ATF7IP: variants seen among roughly 807,000 people sequenced by gnomAD.
ATF7IP encodes activating transcription factor 7 interacting protein.
Under a neutral mutation model 106.4 loss-of-function variants are expected in ATF7IP, and 23 were observed. That is an observed-to-expected ratio of 0.22 (90% CI 0.16 to 0.31). The LOEUF is 0.31. Ranked by LOEUF, ATF7IP falls within the 10% of genes least tolerant of loss-of-function variation. The pLI is 1.00. For missense variants in ATF7IP, 1,334 were observed against 1,524.3 expected (o/e 0.88, Z 2.08); for synonymous variants, 542 against 539.0 (o/e 1.01, Z -0.08).
At chr12:14,380,909 C>T (rs1001706227) in intron 1 of ATF7IP, among the ~76,000 whole-genome samples, 2 of 152,204 alleles carry the variant, frequency 1.3e-5, no homozygotes, top group Non-Finnish European at 2.9e-5. Context: ...CATGAGCCAC[C>T]GTGCCCGGCC....
intron 13 of ATF7IP, chr12:14,481,489 A>C: frequency 2.2e-6 from 1 of 446,118 alleles, no homozygotes; most frequent in Non-Finnish European, 4.1e-6. Flanking sequence ...CAGTGTATGC[A>C]TATTTCAAAC....
chr12:14,390,689 C>T (rs1003100789), intron 1 of ATF7IP, among the ~76,000 whole-genome samples: 1 of 152,178 alleles, frequency 6.6e-6, no homozygotes, highest in African/African-American at 2.4e-5. Flanking sequence ...AGAATGTTTT[C>T]TTAACCGTAC....
Position 14,438,171 on chromosome 12 carries a change from G to A in ATF7IP, c.1833G>A (p.Gln611=), listed in dbSNP as rs373169074. The A allele has an allele frequency of 2.9e-5, 46 of 1,613,352 alleles. No individual in the cohort carries two copies. The highest frequency in any genetic ancestry group is 3.6e-5 in the Non-Finnish European group (43 of 1,179,956). Residue 611 remains glutamine, a synonymous_variant, in exon 5 of 15, where the codon CAG becomes CAA. Transcript: ENST00000261168. ...WLLEEKLCAL[Q]CAVFDKTLAE... ...TGGAAGAAAAATTGTGTGCGCTGCA[G>A]TGTGCTGTATTTGATAAGACTTTGG...
At chr12:14,427,876 A>C (rs1267933127) in intron 2 of ATF7IP, among the ~76,000 whole-genome samples, 1 of 152,148 alleles carries the variant, frequency 6.6e-6, no homozygotes, top group African/African-American at 2.4e-5. Flanking sequence ...GGCACACAGT[A>C]AGTGCCCAGT....
intron 1 of ATF7IP, among the ~76,000 whole-genome samples, chr12:14,394,259 T>G (rs1204984819): frequency 6.6e-6 from 1 of 152,232 alleles, no homozygotes; most frequent in Non-Finnish European, 1.5e-5. Flanking sequence ...ATAATTTGTA[T>G]TTTTAATGAT....
chr12:14,473,913 C>T lies in ATF7IP; in HGVS notation c.2863-1977C>T, dbSNP rs149139969. Among the ~76,000 whole-genome samples the T allele has an allele frequency of 8.5e-4, 129 of 151,406 alleles. 1 individual carries two copies. The East Asian group carries it at 0.024, about 28-fold the overall frequency. ...GCAGTTACTCTTTGCTCCTGTATAACGTATAATTTGTTCTGTTTATTTTCA... is the reference window on the plus strand; with the variant it reads ...GCAGTTACTCTTTGCTCCTGTATAATGTATAATTTGTTCTGTTTATTTTCA... On this transcript the variant is annotated intron_variant, in intron 10 of 14. Transcript: ENST00000261168.
At chr12:14,410,905 T>G (rs1482227968) in intron 1 of ATF7IP, among the ~76,000 whole-genome samples, 1 of 152,280 alleles carries the variant, frequency 6.6e-6, no homozygotes, top group East Asian at 1.9e-4. Flanking sequence ...GTGACTGGCT[T>G]CTTTCACTCA....
chr12:14,419,777 G>A (rs1320443691), intron 1 of ATF7IP, among the ~76,000 whole-genome samples: 1 of 151,870 alleles, frequency 6.6e-6, no homozygotes, highest in African/African-American at 2.4e-5. Flanking sequence ...TTTGTATTAA[G>A]GTTTTGTATT....
chr12:14,414,958 C>A (rs1941126777), intron 1 of ATF7IP, among the ~76,000 whole-genome samples: 1 of 152,066 alleles, frequency 6.6e-6, no homozygotes, highest in Admixed American at 6.6e-5. Flanking sequence ...TTTAATGAGA[C>A]CTGGTCTTGC....
At chr12:14,478,236 G>A in intron 11 of ATF7IP, 81 bp from the exon 12 acceptor site, 1 of 1,402,716 alleles carries the variant, frequency 7.1e-7, no homozygotes, top group Non-Finnish European at 9.9e-7. Flanking sequence ...GCAAGCAAAA[G>A]TAAAATTTGT....
intron 1 of ATF7IP, among the ~76,000 whole-genome samples, chr12:14,408,116 G>GCACACACACACACACACACA (rs56229725): frequency 2.0e-5 from 3 of 148,982 alleles, no homozygotes; most frequent in African/African-American, 7.4e-5. Flanking sequence ...ATATTGATGT[G>GCACACACACACACACACACA]CACACACACA....
At chr12:14,425,964 C>G (rs889257023) in intron 2 of ATF7IP, among the ~76,000 whole-genome samples, 1 of 152,160 alleles carries the variant, frequency 6.6e-6, no homozygotes, top group Admixed American at 6.5e-5. Context: ...AAGCCAGAAA[C>G]CTTAAAGCTT....
chr12:14,488,745 C>A (rs1370981333), intron 13 of ATF7IP, among the ~76,000 whole-genome samples: 2 of 152,140 alleles, frequency 1.3e-5, no homozygotes, highest in Non-Finnish European at 2.9e-5. Context: ...TTATGCCTAA[C>A]ATAATACAAT....
rs780199417 is a variant in ATF7IP, at chr12:14,436,199, A to G, written c.1739A>G (p.Glu580Gly). 6.2e-7 allele frequency: 1 copy of G among 1,613,774 alleles called. No individual in the cohort carries two copies. The highest frequency in any genetic ancestry group is 8.5e-7 in the Non-Finnish European group (1 of 1,179,784). Residue 580 changes from glutamate (E) to glycine (G), a missense_variant, in exon 4 of 15, where the codon GAA (glutamate) becomes GGA (glycine). Transcript: ENST00000261168. ...RRYMEEEYEA[E>G]FQVKITAKGD... is the part of the protein sequence containing the mutation. Reference sequence around the variant, plus strand: ...TATATGGAAGAAGAATATGAGGCAGAATTTCAAGTAAAGATTACAGCCAAA... The same window carrying G: ...TATATGGAAGAAGAATATGAGGCAGGATTTCAAGTAAAGATTACAGCCAAA...
chr12:14,460,431 A>G (rs1392770786), intron 8 of ATF7IP, 64 bp from the exon 9 acceptor site: 2 of 1,438,962 alleles, frequency 1.4e-6, no homozygotes, highest in Non-Finnish European at 9.4e-7. Context: ...TGTGTCTGTC[A>G]TATTTTCTTA....
intron 1 of ATF7IP, among the ~76,000 whole-genome samples, chr12:14,368,353 CATG>C (rs1427102088): frequency 3.9e-5 from 6 of 151,982 alleles, no homozygotes; most frequent in Admixed American, 1.3e-4. Context: ...TAAATGGTTG[CATG>C]ATACTTTATT....
chr12:14,486,144 A>G (rs1944602773), intron 13 of ATF7IP, among the ~76,000 whole-genome samples: 1 of 152,162 alleles, frequency 6.6e-6, no homozygotes, highest in Non-Finnish European at 1.5e-5. Flanking sequence ...CACTGGGGAA[A>G]TGACCACAGG....
rs559541298 is a variant in ATF7IP, at chr12:14,420,874, G to T, written c.-7-3035G>T. Among the ~76,000 whole-genome samples, 78 of 152,302 alleles carry T rather than the reference G, an allele frequency of 5.1e-4. No homozygotes were observed. In the South Asian group the frequency reaches 0.016, roughly 31 times the overall value. On this transcript the variant is annotated intron_variant, in intron 1 of 14. Coordinates refer to ENST00000261168, the MANE Select transcript of ATF7IP (RefSeq NM_018179.5). ...GCTTTTCTTTCTTTCTCAGGCCAAAGCAAATGTATTCTACCATATCATTCC... is the reference window on the plus strand; with the variant it reads ...GCTTTTCTTTCTTTCTCAGGCCAAATCAAATGTATTCTACCATATCATTCC...
Position 14,417,591 on chromosome 12 carries a change from A to G in ATF7IP, c.-7-6318A>G, listed in dbSNP as rs758401058. Among the ~76,000 whole-genome samples the G allele has an allele frequency of 3.5e-4, 53 of 152,254 alleles. No individual in the cohort carries two copies. In the Middle Eastern group the frequency reaches 0.01, roughly 29 times the overall value. ...TGTATAGAAAAATATGTTCTTACGT[A>G]TATTGTCCATGTTTGACTTATTCCT... is the stretch of plus-strand genomic sequence containing the variant. On this transcript the variant is annotated intron_variant, in intron 1 of 14. Transcript: ENST00000261168.
Sources: allele counts gnomAD v4.1 joint callset (sites outside exome capture counted in the v4.1 genomes callset), GRCh38; gene constraint gnomAD v4.1.1; transcripts MANE v1.5; gene names NCBI Gene and HGNC (gene_info 2026-07-23, HGNC 2026-07-21).